The following CX3CL1 variants were observed in gnomAD, a reference collection of about 807,000 sequenced individuals.
CX3CL1 encodes the protein C-X3-C motif chemokine ligand 1, also known as fractalkine.
In CX3CL1, 1 loss-of-function variant was observed where a neutral mutation model predicts 14.1. That is an observed-to-expected ratio of 0.07 (90% CI 0.03 to 0.34). CX3CL1 has a LOEUF of 0.34. Among genes scored for constraint, CX3CL1 ranks in the 10% least tolerant of loss-of-function variants. CX3CL1 has a pLI of 0.99. For synonymous variants in CX3CL1, 255 were observed against 229.6 expected, an observed-to-expected ratio of 1.11 and a Z score of -1.00; for missense variants, 505 against 536.4, an observed-to-expected ratio of 0.94 and a Z score of 0.58.
At chr16:57,380,773 C>T (rs190649707) in intron 2 of CX3CL1, among the ~76,000 whole-genome samples, 99 of 152,226 alleles carry the variant, frequency 6.5e-4, no homozygotes, top group African/African-American at 2.3e-3. Context: ...GTCTAACCAG[C>T]CAGCCCTGAG....
At chr16:57,376,797 T>A (rs1157237530) in intron 1 of CX3CL1, among the ~76,000 whole-genome samples, 1 of 152,108 alleles carries the variant, frequency 6.6e-6, no homozygotes, top group Non-Finnish European at 1.5e-5. Flanking sequence ...CTGAGACTAA[T>A]TTCATTCAAT....
rs1360080886 is a variant in CX3CL1 at position 57,383,023 on chromosome 16, G to T, written c.1185G>T (p.Val395=). The T allele has an allele frequency of 6.7e-7, 1 of 1,488,704 alleles. No homozygotes were observed. The highest frequency in any genetic ancestry group is 1.4e-5 in the African/African-American group (1 of 71,052). 92.2% of individuals were successfully genotyped at this position (1,488,704 alleles called of 1,614,324 possible). ...RSCGSNSYVL[V]PV ...GTGGTAGTAATTCATATGTCCTGGT[G>T]CCCGTGTGAACTCCTCTGGCCTGTG... The change falls in exon 3 of 3, where the codon GTG becomes GTT. Residue 395 remains valine, a synonymous_variant. Transcript: ENST00000006053.
At chr16:57,380,431 G>A (rs962608416) in intron 2 of CX3CL1, among the ~76,000 whole-genome samples, 11 of 152,168 alleles carry the variant, frequency 7.2e-5, no homozygotes, top group East Asian at 5.8e-4. Flanking sequence ...GGTGGTGGGC[G>A]CCTGTAATCC....
intron 2 of CX3CL1, among the ~76,000 whole-genome samples, chr16:57,380,709 G>A (rs1258451525): frequency 6.6e-6 from 1 of 152,110 alleles, no homozygotes; most frequent in Non-Finnish European, 1.5e-5. Flanking sequence ...CCTGGCTGTT[G>A]AAGACCCTGG....
rs773729501 is a variant in CX3CL1, at chr16:57,382,995, G to C, written c.1157G>C (p.Ser386Thr). 6.7e-7 allele frequency: 1 copy of C among 1,500,420 alleles called. No individual in the cohort carries two copies. Among genetic ancestry groups the C allele is most frequent in the Non-Finnish European group, 8.9e-7 (1 of 1,121,976 alleles). The allele number at this position is 1,500,420 out of a possible 1,614,324, so 92.9% of individuals were successfully genotyped here. A position where few individuals can be genotyped will look rare whatever the true frequency, so the allele number is the denominator to read the frequency against. ...MAEGLRYIPR[S>T]CGSNSYVLVP... ...GAGGGCCTTCGCTACATCCCCCGGAGCTGTGGTAGTAATTCATATGTCCTG... is the reference window on the plus strand; with the variant it reads ...GAGGGCCTTCGCTACATCCCCCGGACCTGTGGTAGTAATTCATATGTCCTG... Residue 386 changes from serine to threonine, a missense_variant, in exon 3 of 3, where the codon AGC becomes ACC. Transcript: ENST00000006053. This position sits in a 1 kb window ranked among gnomAD's most constrained non-coding sequence, Gnocchi z 6.9.
intron 1 of CX3CL1, among the ~76,000 whole-genome samples, chr16:57,375,525 C>A (rs1902235104): frequency 6.6e-6 from 1 of 152,188 alleles, no homozygotes; most frequent in South Asian, 2.1e-4. Flanking sequence ...GTTGAGAAAC[C>A]TTGCCCTAAG....
intron 1 of CX3CL1, among the ~76,000 whole-genome samples, chr16:57,376,724 G>A (rs1004524861): frequency 2.6e-5 from 4 of 152,002 alleles, no homozygotes; most frequent in Non-Finnish European, 5.9e-5. Context: ...GTAGAAGATT[G>A]ATAAGAGTGG....
rs755380847 is a variant in CX3CL1 at position 57,382,526 on chromosome 16, A to G, written c.688A>G (p.Thr230Ala). ...STQDPSTQAS[T>A]ASSPAPEENA... ...CCAGGACCCCTCCACCCAGGCCTCCACTGCGTCCTCCCCAGCCCCAGAGGA... is the reference window on the plus strand; with the variant it reads ...CCAGGACCCCTCCACCCAGGCCTCCGCTGCGTCCTCCCCAGCCCCAGAGGA... Residue 230 changes from threonine (T) to alanine (A), a missense_variant, in exon 3 of 3, where the codon ACT becomes GCT. Thr to Ala is a moderately conservative substitution (Grantham distance 58). Coordinates refer to ENST00000006053, the MANE Select transcript of CX3CL1 (RefSeq NM_002996.6). This position sits in a 1 kb window ranked among gnomAD's most constrained non-coding sequence, Gnocchi z 6.9. 1 of 1,613,646 alleles carries G rather than the reference A, an allele frequency of 6.2e-7. No individual in the cohort carries two copies. Among genetic ancestry groups the G allele is most frequent in the African/African-American group, 1.3e-5 (1 of 74,936 alleles).
rs773891382 is a variant in CX3CL1 at position 57,382,306 on chromosome 16, G to C, written c.468G>C (p.Glu156Asp). ...EAQRALGTSP[E>D]LPTGVTGSSG... is the part of the protein sequence containing the mutation. ...AGAGGGCCCTGGGGACCTCCCCAGAGCTGCCGACGGGCGTGACTGGTTCCT... is the reference window on the plus strand; with the variant it reads ...AGAGGGCCCTGGGGACCTCCCCAGACCTGCCGACGGGCGTGACTGGTTCCT... Residue 156 changes from glutamate to aspartate, a missense_variant, in exon 3 of 3, where the codon GAG (glutamate) becomes GAC (aspartate). Transcript: ENST00000006053. The surrounding 1 kb of genome is among the most constrained non-coding windows in gnomAD (Gnocchi z 6.9). The C allele has an allele frequency of 6.2e-7, 1 of 1,605,732 alleles. No individual in the cohort carries two copies. Among genetic ancestry groups the C allele is most frequent in the Non-Finnish European group, 8.5e-7 (1 of 1,175,892 alleles).
Position 57,375,643 on chromosome 16 carries a change from G to A in CX3CL1, c.70+3005G>A, listed in dbSNP as rs375042070. Among the ~76,000 whole-genome samples, 43 of 152,304 alleles carry A rather than the reference G, an allele frequency of 2.8e-4. 1 individual carries two copies. The South Asian group carries it at 7.9e-3, about 28-fold the overall frequency. ...AAGGAAACTGAGGCTCAGGGAGTCC[G>A]AGTGACTTGCTCAGGACACACAGCT... On this transcript the variant is annotated intron_variant, in intron 1 of 2. Transcript: ENST00000006053.
intron 1 of CX3CL1, 40 bp from the exon 2 acceptor site, chr16:57,379,594 C>T (rs527454262): frequency 1.5e-5 from 25 of 1,613,528 alleles, no homozygotes; most frequent in East Asian, 2.2e-5. Flanking sequence ...GCCAGATGCC[C>T]ACAGACATCC....
chr16:57,372,672 A>G (rs1475598499), intron 1 of CX3CL1, 34 bp downstream of exon 1: 1 of 1,607,814 alleles, frequency 6.2e-7, no homozygotes, highest in East Asian at 2.2e-5. Context: ...CAAACAGGGT[A>G]GGGAGCCCCC....
chr16:57,376,742 G>A (rs535655968), intron 1 of CX3CL1, among the ~76,000 whole-genome samples: 3 of 152,162 alleles, frequency 2.0e-5, no homozygotes, highest in South Asian at 4.1e-4. Flanking sequence ...TGGGTGGACG[G>A]GTGGATGGAT....
At chr16:57,381,928 G>A (rs1902325055) in intron 2 of CX3CL1, 102 bp from the exon 3 acceptor site, 2 of 1,297,130 alleles carry the variant, frequency 1.5e-6, no homozygotes, top group African/African-American at 1.5e-5. Flanking sequence ...TTTCCAGCCG[G>A]GTGTGTTCAC....
At chr16:57,380,596 CT>C (rs1902305680) in intron 2 of CX3CL1, among the ~76,000 whole-genome samples, 1 of 152,142 alleles carries the variant, frequency 6.6e-6, no homozygotes, top group Non-Finnish European at 1.5e-5. Context: ...AATAAAGTGC[CT>C]GGCAGGGTGC....
In CX3CL1 at chr16:57,382,659, C is replaced by G. The variant is rs771178265; in HGVS notation, c.821C>G (p.Ala274Gly). The change falls in exon 3 of 3, where the codon GCC becomes GGC. Residue 274 changes from alanine (A) to glycine (G), a missense_variant. By Grantham distance (60) the Ala-to-Gly change is moderately conservative (BLOSUM62 0). Transcript: ENST00000006053. This position sits in a 1 kb window ranked among gnomAD's most constrained non-coding sequence, Gnocchi z 6.9. ...GGTCCCGTGCCAGCGCACACGGATG[C>G]CTTCCAGGACTGGGGGCCTGGCAGC... ...EMGPVPAHTDAFQDWGPGSMA... is the reference protein window; with the variant it reads ...EMGPVPAHTDGFQDWGPGSMA... 1 of 1,612,696 alleles carries G rather than the reference C, an allele frequency of 6.2e-7. No homozygotes were observed.
At chr16:57,381,884 A>C (rs1254786023) in intron 2 of CX3CL1, 146 bp from the exon 3 acceptor site, 17 of 795,270 alleles carry the variant, frequency 2.1e-5, no homozygotes, top group Non-Finnish European at 3.2e-5. Context: ...CCAGCTGGTC[A>C]GTTGCCTCAC....
chr16:57,373,471 T>G (rs909587123), intron 1 of CX3CL1, among the ~76,000 whole-genome samples: 2 of 152,114 alleles, frequency 1.3e-5, no homozygotes, highest in Non-Finnish European at 2.9e-5. Context: ...GTGGGCCACA[T>G]CACCTCCATG....
chr16:57,376,604 A>T (rs1427433694), intron 1 of CX3CL1, among the ~76,000 whole-genome samples: 1 of 151,664 alleles, frequency 6.6e-6, no homozygotes, highest in Non-Finnish European at 1.5e-5. Flanking sequence ...TAGGTGAGAT[A>T]AAAGGGGGCG....
Sources: gnomAD v4.1 joint callset for allele counts (sites outside exome capture counted in the v4.1 genomes callset) on GRCh38, gnomAD v4.1.1 for gene constraint, Gnocchi (gnomAD v3.1) non-coding constraint, MANE v1.5 for transcripts, NCBI Gene and HGNC (gene_info 2026-07-23, HGNC 2026-07-21) for gene names.